The following TDRD12 variants were observed in gnomAD, a reference collection of about 807,000 sequenced individuals.
The protein encoded by TDRD12 is tudor domain containing 12, also known as putative ATP-dependent RNA helicase TDRD12.
TDRD12 carries 158 observed loss-of-function variants against 133.5 expected under a neutral mutation model. That is an observed-to-expected ratio of 1.18 (90% confidence interval 1.04 to 1.35). The LOEUF (loss-of-function observed/expected upper bound fraction) is 1.35, where lower values mean the gene tolerates loss of function less well. TDRD12 is among the 40% of genes most tolerant of loss of function. The pLI, the probability that TDRD12 is intolerant of heterozygous loss-of-function variation, is 0.00. For synonymous variants in TDRD12, 460 were observed against 477.9 expected, an observed-to-expected ratio of 0.96 and a Z score of 0.49; for missense variants, 1,443 against 1,321.3, an observed-to-expected ratio of 1.09 and a Z score of -1.43.
rs1969436346 is a variant in TDRD12 at position 32,741,826 on chromosome 19, T to G, written c.321-955T>G. Among the ~76,000 whole-genome samples, 2 of 152,120 alleles carry G rather than the reference T, an allele frequency of 1.3e-5. 1 individual carries two copies. The highest frequency in any genetic ancestry group is 4.1e-4 in the South Asian group (2 of 4,830). ...ACTTTGGAAGGCCAAGGCAGGAGGATCGCTTGAGGCCAGGAGTTCAAGACC... is the reference window on the plus strand; with the variant it reads ...ACTTTGGAAGGCCAAGGCAGGAGGAGCGCTTGAGGCCAGGAGTTCAAGACC... On this transcript the variant is annotated intron_variant, in intron 3 of 27. Transcript: ENST00000444215.
chr19:32,779,038 C>A lies in TDRD12; in HGVS notation c.1121+1809C>A, dbSNP rs558212153. On this transcript the variant is annotated intron_variant, in intron 11 of 27. Coordinates refer to ENST00000444215, the Ensembl canonical transcript of TDRD12. Reference sequence around the variant, plus strand: ...ATCCTGGGACCCTCCCCCTTGACTGCGCAGAGGTCCAGCATTGGCTGCACT... The same window carrying A: ...ATCCTGGGACCCTCCCCCTTGACTGAGCAGAGGTCCAGCATTGGCTGCACT... Among the ~76,000 whole-genome samples, 267 of 152,332 alleles carry A rather than the reference C, an allele frequency of 1.8e-3. 4 individuals carry two copies. Among genetic ancestry groups the A allele is most frequent in the Non-Finnish European group, 3.1e-3 (214 of 68,022 alleles).
chr19:32,819,066 C>T (rs748501054), intron 27 of TDRD12, among the ~76,000 whole-genome samples: 1 of 152,040 alleles, frequency 6.6e-6, no homozygotes, highest in Non-Finnish European at 1.5e-5. Context: ...ATTGTAATCC[C>T]AGCACTTTGG....
Position 32,800,861 on chromosome 19 carries a change from G to C in TDRD12, c.2079+89G>C, listed in dbSNP as rs116606873. 1.1e-3 allele frequency: 1,496 copies of C among 1,314,740 alleles called. 17 individuals are homozygous for C. In the African/African-American group the frequency reaches 0.02, roughly 18 times the overall value. The allele number at this position is 1,314,740 out of a possible 1,614,324, so 81.4% of individuals were successfully genotyped here. ...CAAAATTACTGGGGTGGTTGACTCT[G>C]TGGCAGGGAAGTAAAGTTTTACAAG... On this transcript the variant is annotated intron_variant, in intron 18 of 27. Coordinates refer to ENST00000444215, the Ensembl canonical transcript of TDRD12.
intron 25 of TDRD12, among the ~76,000 whole-genome samples, chr19:32,814,531 T>A (rs1035097460): frequency 2.0e-5 from 3 of 152,194 alleles, no homozygotes; most frequent in Non-Finnish European, 4.4e-5. Flanking sequence ...AAATATGGAT[T>A]ACAAATGCAG....
At chr19:32,779,722 T>A (rs184272481) in intron 11 of TDRD12, among the ~76,000 whole-genome samples, 1 of 152,218 alleles carries the variant, frequency 6.6e-6, no homozygotes, top group East Asian at 1.9e-4. Flanking sequence ...TGCTAGGTGG[T>A]GGGTGAGTCT....
chr19:32,731,695 T>G (rs748114602), intron 1 of TDRD12, 30 bp from the exon 2 acceptor site: 2 of 1,514,588 alleles, frequency 1.3e-6, no homozygotes, highest in South Asian at 1.3e-5. Flanking sequence ...AATCATACGC[T>G]GTTCTGTTTG....
chr19:32,766,140 A>C (rs796188877), intron 8 of TDRD12, among the ~76,000 whole-genome samples: 1 of 152,280 alleles, frequency 6.6e-6, no homozygotes, highest in South Asian at 2.1e-4. Context: ...TGTAGGGAGC[A>C]TATAGTTGTG....
rs538887725 is a variant in TDRD12 at position 32,721,049 on chromosome 19, G to C, written c.24+953G>C. On this transcript the variant is annotated intron_variant, in intron 1 of 27. Coordinates refer to ENST00000444215, the Ensembl canonical transcript of TDRD12. Reference sequence around the variant, plus strand: ...TAGGCTCGGCGCCTGGACAGGGTCGGGTGGCCCGGGCAGCCCCAGCCCATG... The same window carrying C: ...TAGGCTCGGCGCCTGGACAGGGTCGCGTGGCCCGGGCAGCCCCAGCCCATG... 3.1e-3 allele frequency among the ~76,000 whole-genome samples: 467 copies of C among 152,130 alleles called. 1 individual carries two copies. Among genetic ancestry groups the C allele is most frequent in the African/African-American group, 0.01 (427 of 41,532 alleles).
chr19:32,742,641 T>A, intron 3 of TDRD12, 140 bp from the exon 4 acceptor site: 1 of 930,878 alleles, frequency 1.1e-6, no homozygotes, highest in Non-Finnish European at 1.5e-6. Context: ...GCACTGTTGG[T>A]GGCCATATTA....
In TDRD12 at chr19:32,807,682, C is replaced by T. The variant is rs111842255; in HGVS notation, c.2652+34C>T. On this transcript the variant is annotated intron_variant, in intron 22 of 27. Coordinates refer to ENST00000444215, the Ensembl canonical transcript of TDRD12. ...GGTTAAAGATGCTTGTGTCCTCTGA[C>T]GAATGGTCATGTTAATAAACGTGTT... 9.8e-5 allele frequency: 136 copies of T among 1,385,236 alleles called. 1 individual carries two copies. The highest frequency in any genetic ancestry group is 7.8e-4 in the African/African-American group (54 of 69,242). The allele number at this position is 1,385,236 out of a possible 1,614,324, so 85.8% of individuals were successfully genotyped here.
rs918426780 is a variant in TDRD12 at position 32,818,000 on chromosome 19, C to T, written c.3315-89C>T. 7 of 686,912 alleles carry T rather than the reference C, an allele frequency of 1.0e-5. No individual in the cohort carries two copies. The African/African-American group carries it at 1.1e-4, about 11-fold the overall frequency. 42.6% of individuals were successfully genotyped at this position (686,912 alleles called of 1,614,324 possible). On this transcript the variant is annotated intron_variant, in intron 26 of 27. Coordinates refer to ENST00000444215, the Ensembl canonical transcript of TDRD12. ...AAAAAAAAAAGTGTTTTTACCCATG[C>T]ACTCCAAGCTCTGTCCTCTACTGTC...
chr19:32,769,460 G>A (rs552873488), intron 8 of TDRD12, among the ~76,000 whole-genome samples: 2 of 152,278 alleles, frequency 1.3e-5, no homozygotes, highest in African/African-American at 4.8e-5. Context: ...TATCATCTGG[G>A]AGTCTCATGG....
chr19:32,755,029 T>C (rs545533175), intron 6 of TDRD12, among the ~76,000 whole-genome samples: 2 of 152,322 alleles, frequency 1.3e-5, no homozygotes, highest in Admixed American at 1.3e-4. Flanking sequence ...GGCAACAGGA[T>C]GTGTCCCAAG....
chr19:32,785,812 C>T (rs1970892087), intron 11 of TDRD12, among the ~76,000 whole-genome samples: 1 of 151,932 alleles, frequency 6.6e-6, no homozygotes, highest in Non-Finnish European at 1.5e-5. Context: ...TTATTTTGGG[C>T]CTATGTGTGT....
chr19:32,741,107 G>A (rs1296202788), intron 3 of TDRD12, among the ~76,000 whole-genome samples: 2 of 152,162 alleles, frequency 1.3e-5, no homozygotes, highest in African/African-American at 4.8e-5. Flanking sequence ...TTTTGAGACA[G>A]TGTCTCACTC....
At chr19:32,725,372 A>T (rs549360141) in intron 1 of TDRD12, among the ~76,000 whole-genome samples, 1 of 151,920 alleles carries the variant, frequency 6.6e-6, no homozygotes, top group African/African-American at 2.4e-5. Context: ...TCTTTAATCT[A>T]TATTGAGTTA....
At chr19:32,721,467 C>T (rs1019907485) in intron 1 of TDRD12, among the ~76,000 whole-genome samples, 4 of 151,746 alleles carry the variant, frequency 2.6e-5, no homozygotes, top group African/African-American at 9.7e-5. Context: ...CTCACTGCAA[C>T]CTCCGCTTCC....
intron 3 of TDRD12, among the ~76,000 whole-genome samples, chr19:32,740,629 T>C (rs1413559016): frequency 6.6e-6 from 1 of 152,190 alleles, no homozygotes; most frequent in African/African-American, 2.4e-5. Context: ...TGCCGGCTGC[T>C]CTCCTGCCTG....
intron 1 of TDRD12, among the ~76,000 whole-genome samples, chr19:32,723,044 T>C (rs2145405903): frequency 6.6e-6 from 1 of 152,244 alleles, no homozygotes; most frequent in African/African-American, 2.4e-5. Flanking sequence ...TGATCCGAGT[T>C]AATTTTTGTA....
Sources: allele counts gnomAD v4.1 joint callset (sites outside exome capture counted in the v4.1 genomes callset), GRCh38; gene constraint gnomAD v4.1.1; transcripts MANE v1.5; gene names NCBI Gene and HGNC (gene_info 2026-07-23, HGNC 2026-07-21).